Variants in HS3ST5 observed in about 807,000 individuals in gnomAD.
HS3ST5 encodes heparan sulfate glucosamine 3-O-sulfotransferase 5.
HS3ST5 carries 10 observed loss-of-function variants against 25.4 expected under a neutral mutation model. The observed-to-expected ratio is 0.39, with a 90% CI of 0.24 to 0.67. HS3ST5 has a LOEUF of 0.67. Ranked by LOEUF, HS3ST5 falls within the 30% of genes least tolerant of loss-of-function variation. The pLI, the probability that HS3ST5 is intolerant of heterozygous loss-of-function variation, is 0.44. For synonymous variants in HS3ST5, 170 were observed against 162.4 expected (o/e 1.05, Z -0.36); for missense variants, 324 against 420.7 (o/e 0.77, Z 2.01).
chr6:114,071,478 A>G lies in HS3ST5; in HGVS notation c.-32-8601T>C, dbSNP rs115387887. 5.5e-3 allele frequency among the ~76,000 whole-genome samples: 836 copies of G among 152,302 alleles called. 8 individuals are homozygous for G. Among genetic ancestry groups the G allele is most frequent in the African/African-American group, 0.019 (809 of 41,572 alleles). On this transcript the variant is annotated intron_variant, in intron 3 of 4. Coordinates refer to ENST00000312719, the MANE Select transcript of HS3ST5 (RefSeq NM_153612.4). The stretch of plus-strand genomic sequence containing the variant: ...GTCTCTACTTAATTCTATTTAAGCC[A>G]TATTGTAATTCTCTGTTTATTTGTG...
At chr6:114,169,661 G>C (rs1433938491) in intron 2 of HS3ST5, among the ~76,000 whole-genome samples, 2 of 152,092 alleles carry the variant, frequency 1.3e-5, no homozygotes, top group Non-Finnish European at 2.9e-5. Flanking sequence ...CAACTACTCT[G>C]TTTCTCAATT....
intron 1 of HS3ST5, among the ~76,000 whole-genome samples, chr6:114,321,812 G>A (rs1775981775): frequency 6.6e-6 from 1 of 151,866 alleles, no homozygotes; most frequent in Admixed American, 6.6e-5. Context: ...TCTGATTTTT[G>A]GCATTTGTCT....
At chr6:114,106,621 A>G (rs1025848957) in intron 3 of HS3ST5, among the ~76,000 whole-genome samples, 1 of 152,122 alleles carries the variant, frequency 6.6e-6, no homozygotes, top group African/African-American at 2.4e-5. Context: ...AGTTGGGAGA[A>G]TATTTAACAT....
chr6:114,342,411 C>A lies in HS3ST5; in HGVS notation c.-555G>T. ...GCGTGTGAGTAAGACGCGAGCGGGC[C>A]CCACACGCAGGCGGCGGCGGCGGCG... On this transcript the variant is annotated 5_prime_UTR_variant, in exon 1 of 5. Transcript: ENST00000312719. 1 of 193,422 alleles carries A rather than the reference C, an allele frequency of 5.2e-6. No individual in the cohort carries two copies. Among genetic ancestry groups the A allele is most frequent in the Non-Finnish European group, 1.0e-5 (1 of 99,230 alleles). 12.0% of individuals were successfully genotyped at this position (193,422 alleles called of 1,614,324 possible).
At chr6:114,128,182 A>C (rs553027744) in intron 3 of HS3ST5, among the ~76,000 whole-genome samples, 1 of 152,310 alleles carries the variant, frequency 6.6e-6, no homozygotes, top group Admixed American at 6.5e-5. Flanking sequence ...TTAACCACTG[A>C]AAAGTTTCTG....
At chr6:114,230,892 A>C (rs1771558228) in intron 1 of HS3ST5, among the ~76,000 whole-genome samples, 1 of 152,056 alleles carries the variant, frequency 6.6e-6, no homozygotes, top group African/African-American at 2.4e-5. Context: ...CCGGCCCCTA[A>C]GACGTACTTC....
chr6:114,272,966 C>T (rs2114707015), intron 1 of HS3ST5, among the ~76,000 whole-genome samples: 1 of 152,142 alleles, frequency 6.6e-6, no homozygotes, highest in African/African-American at 2.4e-5. Flanking sequence ...CCTTGCAAGT[C>T]ACAGCCAGGA....
In HS3ST5 at chr6:114,333,075, A is replaced by G. The variant is rs571337312; in HGVS notation, c.-339+9120T>C. On this transcript the variant is annotated intron_variant, in intron 1 of 4. Transcript: ENST00000312719. ...TGATCAGATTTGTAGTCAGAAAAAA[A>G]ATCAAGCATTGAAGAGGATGGAGAT... Among the ~76,000 whole-genome samples the G allele has an allele frequency of 7.9e-5, 12 of 152,308 alleles. No individual in the cohort carries two copies. In the East Asian group the frequency reaches 2.1e-3, roughly 27 times the overall value.
At chr6:114,137,231 G>A (rs540199461) in intron 3 of HS3ST5, among the ~76,000 whole-genome samples, 13 of 151,928 alleles carry the variant, frequency 8.6e-5, no homozygotes, top group South Asian at 2.1e-4. Flanking sequence ...TCTCCCCCCC[G>A]CAAACCATAT....
At chr6:114,249,149 A>G (rs1447191327) in intron 1 of HS3ST5, among the ~76,000 whole-genome samples, 1 of 152,198 alleles carries the variant, frequency 6.6e-6, no homozygotes, top group South Asian at 2.1e-4. Context: ...TTTCTCCCCT[A>G]CTTAAGAAAG....
intron 3 of HS3ST5, among the ~76,000 whole-genome samples, chr6:114,147,228 A>T (rs1311958158): frequency 6.6e-6 from 1 of 152,158 alleles, no homozygotes; most frequent in Non-Finnish European, 1.5e-5. Flanking sequence ...GATTTTGAAA[A>T]CACATAGTTA....
intron 1 of HS3ST5, among the ~76,000 whole-genome samples, chr6:114,256,533 T>C (rs1006569898): frequency 2.0e-5 from 3 of 152,156 alleles, no homozygotes; most frequent in Non-Finnish European, 2.9e-5. Flanking sequence ...CACACATCTC[T>C]AGGGCAGGGG....
chr6:114,220,199 A>T (rs1048485882), intron 2 of HS3ST5, among the ~76,000 whole-genome samples: 2 of 152,100 alleles, frequency 1.3e-5, no homozygotes, highest in African/African-American at 4.8e-5. Context: ...CATTTCAAGG[A>T]AATTTAGAAT....
chr6:114,078,229 CG>C (rs1364018792), intron 3 of HS3ST5, among the ~76,000 whole-genome samples: 1 of 151,498 alleles, frequency 6.6e-6, no homozygotes, highest in African/African-American at 2.4e-5. Flanking sequence ...TTTTCTGAGA[CG>C]GGGTCTTGCT....
chr6:114,228,278 G>A (rs771816249), intron 2 of HS3ST5, among the ~76,000 whole-genome samples: 2 of 152,064 alleles, frequency 1.3e-5, no homozygotes, highest in Non-Finnish European at 2.9e-5. Flanking sequence ...AATTTCATGT[G>A]ACTCCTATGC....
intron 1 of HS3ST5, among the ~76,000 whole-genome samples, chr6:114,268,551 ATTC>A (rs1773508829): frequency 6.6e-6 from 1 of 152,192 alleles, no homozygotes; most frequent in Non-Finnish European, 1.5e-5. Context: ...ACCAATTATC[ATTC>A]TTCTTTTCCC....
intron 2 of HS3ST5, among the ~76,000 whole-genome samples, chr6:114,175,670 T>A (rs1041274885): frequency 6.6e-6 from 1 of 152,148 alleles, no homozygotes; most frequent in African/African-American, 2.4e-5. Flanking sequence ...TGCACAAAGA[T>A]AAATGGAACT....
In HS3ST5 at chr6:114,113,903, A is replaced by G. The variant is rs1776394559; in HGVS notation, c.-32-51026T>C. Among the ~76,000 whole-genome samples the G allele has an allele frequency of 2.0e-5, 3 of 151,880 alleles. No homozygotes were observed. The South Asian group carries it at 6.2e-4, about 31-fold the overall frequency. On this transcript the variant is annotated intron_variant, in intron 3 of 4. Transcript: ENST00000312719. The stretch of plus-strand genomic sequence containing the variant: ...AAGTAGGATGCCTGTGTATCATTAC[A>G]TTGTTATCATTAGAAATCAGGCTGG...
At chr6:114,092,983 G>A (rs1404224371) in intron 3 of HS3ST5, among the ~76,000 whole-genome samples, 2 of 152,150 alleles carry the variant, frequency 1.3e-5, no homozygotes, top group South Asian at 4.2e-4. Flanking sequence ...CCGATGTCAG[G>A]CATTTCATAT....
Sources: allele counts gnomAD v4.1 joint callset (sites outside exome capture counted in the v4.1 genomes callset), GRCh38; gene constraint gnomAD v4.1.1; transcripts MANE v1.5; gene names NCBI Gene and HGNC (gene_info 2026-07-23, HGNC 2026-07-21).